Variants in MPHOSPH8 observed in about 807,000 individuals in gnomAD.
MPHOSPH8 encodes M-phase phosphoprotein 8, also known as M-phase phosphoprotein, mpp.
Under a neutral mutation model 87.3 loss-of-function variants are expected in MPHOSPH8, and 45 were observed. That is an observed-to-expected ratio of 0.52 (90% confidence interval 0.41 to 0.66). The LOEUF is 0.66. Ranked by LOEUF, MPHOSPH8 falls within the 30% of genes least tolerant of loss-of-function variation. The probability of loss-of-function intolerance (pLI) is 0.00; values close to 1 mark genes in which losing one functional copy is unlikely to be tolerated. For missense variants in MPHOSPH8, 883 were observed against 1,020.2 expected (o/e 0.87, Z 1.83); for synonymous variants, 366 against 376.9 (o/e 0.97, Z 0.33).
intron 13 of MPHOSPH8, 104 bp downstream of exon 13, chr13:19,671,393 C>G (rs1439454592): frequency 2.0e-6 from 2 of 985,848 alleles, no homozygotes; most frequent in Non-Finnish European, 3.1e-6. Context: ...TGTACCTGTC[C>G]TAGAGACAGG....
intron 8 of MPHOSPH8, among the ~76,000 whole-genome samples, chr13:19,662,113 G>GT (rs1421438846): frequency 6.6e-6 from 1 of 151,842 alleles, no homozygotes; most frequent in Admixed American, 6.6e-5. Flanking sequence ...TAATTTCTTT[G>GT]TATTTTTAGT....
chr13:19,653,582 G>A (rs562257362), intron 5 of MPHOSPH8, among the ~76,000 whole-genome samples: 9 of 152,276 alleles, frequency 5.9e-5, no homozygotes, highest in Non-Finnish European at 1.0e-4. Context: ...GACAGAAGTA[G>A]GCTTCAGAAG....
chr13:19,661,736 C>G lies in MPHOSPH8; in HGVS notation c.1830C>G (p.Ala610=). 6.2e-7 allele frequency: 1 copy of G among 1,611,060 alleles called. No homozygotes were observed. Among genetic ancestry groups the G allele is most frequent in the Non-Finnish European group, 8.5e-7 (1 of 1,178,060 alleles). The part of the protein sequence containing the change: ...SGMTLVMLAA[A]GGQDDLLRLL... Reference sequence around the variant, plus strand: ...TGACACTGGTGATGCTTGCCGCCGCCGGAGGGCAGGACGACCTCCTGCGAC... The same window carrying G: ...TGACACTGGTGATGCTTGCCGCCGCGGGAGGGCAGGACGACCTCCTGCGAC... The change falls in exon 8 of 14, where the codon GCC becomes GCG. Residue 610 remains alanine (A), a synonymous_variant. Coordinates refer to ENST00000361479, the MANE Select transcript of MPHOSPH8 (RefSeq NM_017520.4).
intron 5 of MPHOSPH8, among the ~76,000 whole-genome samples, chr13:19,652,252 T>C (rs1325286798): frequency 1.3e-5 from 2 of 152,082 alleles, no homozygotes; most frequent in African/African-American, 4.8e-5. Flanking sequence ...TTGGGACTGG[T>C]TGGACAGTGG....
chr13:19,652,230 C>T (rs551899895), intron 5 of MPHOSPH8, among the ~76,000 whole-genome samples: 36 of 152,254 alleles, frequency 2.4e-4, no homozygotes, highest in South Asian at 4.1e-4. Flanking sequence ...CTGAGGTACC[C>T]GGTTCATCTC....
intron 10 of MPHOSPH8, among the ~76,000 whole-genome samples, chr13:19,668,121 G>A (rs1875916020): frequency 6.6e-6 from 1 of 152,242 alleles, no homozygotes; most frequent in African/African-American, 2.4e-5. Flanking sequence ...GCCAGGCACT[G>A]TTCTAAAGGC....
In MPHOSPH8 at chr13:19,656,234, G is replaced by A. The variant is rs181539291; in HGVS notation, c.1577-2761G>A. ...GCAGAGATTGTAGTGAGCTAAAATCGTGCCACTGCACTTCAGCCTGGACGA... is the reference window on the plus strand; with the variant it reads ...GCAGAGATTGTAGTGAGCTAAAATCATGCCACTGCACTTCAGCCTGGACGA... On this transcript the variant is annotated intron_variant, in intron 5 of 13. Coordinates refer to ENST00000361479, the MANE Select transcript of MPHOSPH8 (RefSeq NM_017520.4). 3.6e-3 allele frequency among the ~76,000 whole-genome samples: 513 copies of A among 141,354 alleles called. 3 individuals carry two copies. The highest frequency in any genetic ancestry group is 5.0e-3 in the Non-Finnish European group (334 of 66,534). The allele number at this position is 141,354 out of a possible 152,430, so 92.7% of individuals were successfully genotyped here. A position where few individuals can be genotyped will look rare whatever the true frequency, so the allele number is the denominator to read the frequency against.
In MPHOSPH8 at chr13:19,646,464, A is replaced by C; in HGVS notation, c.391A>C (p.Ile131Leu). ...ATAGAGACTATCCTTAAATAACGAC[A>C]TATTTGAGGCGAACTCTGATAGCGA... is the stretch of plus-strand genomic sequence containing the variant. ...DIQRLSLNND[I>L]FEANSDSDQQ... Residue 131 changes from isoleucine (I) to leucine (L), a missense_variant, in exon 3 of 14, where the codon ATA (isoleucine) becomes CTA (leucine). Transcript: ENST00000361479. 6.6e-7 allele frequency: 1 copy of C among 1,515,618 alleles called. No individual in the cohort carries two copies. Among genetic ancestry groups the C allele is most frequent in the Non-Finnish European group, 8.8e-7 (1 of 1,140,528 alleles). The allele number at this position is 1,515,618 out of a possible 1,614,324, so 93.9% of individuals were successfully genotyped here.
chr13:19,659,704 A>C (rs745622424), intron 7 of MPHOSPH8: 2 of 427,530 alleles, frequency 4.7e-6, no homozygotes, highest in East Asian at 7.0e-5. Flanking sequence ...TTGTAAAATA[A>C]AAAAATTGTA....
Position 19,670,245 on chromosome 13 carries a change from T to G in MPHOSPH8, c.2339T>G (p.Ile780Ser). 6.2e-7 allele frequency: 1 copy of G among 1,614,204 alleles called. No individual in the cohort carries two copies. The highest frequency in any genetic ancestry group is 8.5e-7 in the Non-Finnish European group (1 of 1,180,020). ...PPQNIPEGSGILLFIFHANFL... is the reference protein window; with the variant it reads ...PPQNIPEGSGSLLFIFHANFL... Reference sequence around the variant, plus strand: ...CATCTCCCATTTTCAGGCTCTGGCATCCTGCTGTTTATCTTCCATGCAAAC... The same window carrying G: ...CATCTCCCATTTTCAGGCTCTGGCAGCCTGCTGTTTATCTTCCATGCAAAC... The change falls in exon 12 of 14, where the codon ATC becomes AGC. Residue 780 changes from isoleucine (I) to serine (S), a missense_variant. Around this residue, in one of 3 missense-constraint regions of MPHOSPH8, gnomAD observed 741 missense variants for 841.5 expected, o/e 0.88. Transcript: ENST00000361479.
At position 19,633,783 on chromosome 13, in the gene MPHOSPH8, C is replaced by G. The variant is rs146735121; in HGVS notation, c.35C>G (p.Ala12Gly). The change falls in exon 1 of 14, where the codon GCA (alanine) becomes GGA (glycine). Residue 12 changes from alanine to glycine, a missense_variant. Around this residue, in one of 3 missense-constraint regions of MPHOSPH8, gnomAD observed 103 missense variants for 96.3 expected, o/e 1.07. Coordinates refer to ENST00000361479, the MANE Select transcript of MPHOSPH8 (RefSeq NM_017520.4). The part of the protein sequence containing the change: ...EQVAEGARVT[A>G]VPVSAADSTE... Reference sequence around the variant, plus strand: ...GTTGCGGAGGGAGCAAGGGTGACCGCAGTCCCTGTGTCAGCTGCCGACAGC... The same window carrying G: ...GTTGCGGAGGGAGCAAGGGTGACCGGAGTCCCTGTGTCAGCTGCCGACAGC... The G allele has an allele frequency of 1.4e-3, 2,326 of 1,606,056 alleles. 5 individuals carry two copies. Among genetic ancestry groups the G allele is most frequent in the South Asian group, 2.4e-3 (217 of 89,264 alleles).
intron 2 of MPHOSPH8, among the ~76,000 whole-genome samples, chr13:19,645,946 A>G (rs1289510698): frequency 5.9e-5 from 9 of 152,172 alleles, no homozygotes; most frequent in Admixed American, 1.3e-4. Context: ...CAGATAACAC[A>G]TGAACTTGGG....
intron 5 of MPHOSPH8, among the ~76,000 whole-genome samples, chr13:19,651,901 C>T (rs998673458): frequency 3.3e-5 from 5 of 151,938 alleles, no homozygotes; most frequent in Non-Finnish European, 7.4e-5. Context: ...AGTCCGAGAC[C>T]AGCCTGGACA....
rs74038311 is a variant in MPHOSPH8 at position 19,647,374 on chromosome 13, A to G, written c.1218+83A>G. 1,577 of 1,263,122 alleles carry G rather than the reference A, an allele frequency of 1.2e-3. 17 individuals are homozygous for G. The African/African-American group carries it at 0.019, about 15-fold the overall frequency. 78.2% of individuals were successfully genotyped at this position (1,263,122 alleles called of 1,614,324 possible). Reference sequence around the variant, plus strand: ...GCAAGGAAAGGGAAACAGTCAAGCTATAAGAAAGTGTTTATGACCATGGGC... The same window carrying G: ...GCAAGGAAAGGGAAACAGTCAAGCTGTAAGAAAGTGTTTATGACCATGGGC... On this transcript the variant is annotated intron_variant, in intron 3 of 13. Transcript: ENST00000361479.
Position 19,672,004 on chromosome 13 carries a change from G to A in MPHOSPH8, c.*129G>A. 1.2e-6 allele frequency: 1 copy of A among 858,626 alleles called. No homozygotes were observed. The highest frequency in any genetic ancestry group is 1.5e-5 in the South Asian group (1 of 65,634). The allele number at this position is 858,626 out of a possible 1,614,324, so 53.2% of individuals were successfully genotyped here. A position where few individuals can be genotyped will look rare whatever the true frequency, so the allele number is the denominator to read the frequency against. ...TAAACCTCTTGCAGTTAAGCCTGTTGTCTGTTGTAGTCTGTAAGATGCGAC... is the reference window on the plus strand; with the variant it reads ...TAAACCTCTTGCAGTTAAGCCTGTTATCTGTTGTAGTCTGTAAGATGCGAC... On this transcript the variant is annotated 3_prime_UTR_variant, in exon 14 of 14. Transcript: ENST00000361479.
At chr13:19,658,865 C>T (rs1875351175) in intron 5 of MPHOSPH8, 130 bp from the exon 6 acceptor site, 1 of 1,127,372 alleles carries the variant, frequency 8.9e-7, no homozygotes, top group African/African-American at 1.6e-5. Flanking sequence ...TAAAAGACCC[C>T]ATTATACAAT....
Position 19,667,462 on chromosome 13 carries a change from TCA to T in MPHOSPH8, c.2174+886_2174+887del, listed in dbSNP as rs553466002. ...AATACATAATGACATCCATCCCTCA[TCA>T]CAGTGTCATACAGAATAGTTTCACT... On this transcript the variant is annotated intron_variant, in intron 10 of 13. Transcript: ENST00000361479. 6.6e-4 allele frequency among the ~76,000 whole-genome samples: 101 copies of T among 152,284 alleles called. No homozygotes were observed. In the Middle Eastern group the frequency reaches 0.01, roughly 15 times the overall value.
At chr13:19,666,674 C>G in intron 10 of MPHOSPH8, 95 bp downstream of exon 10, 1 of 1,115,812 alleles carries the variant, frequency 9.0e-7, no homozygotes, top group East Asian at 2.5e-5. Context: ...TGTAACTGCT[C>G]AGAAAAACAT....
Position 19,659,079 on chromosome 13 carries a change from G to C in MPHOSPH8, c.1661G>C (p.Gly554Ala). The C allele has an allele frequency of 6.2e-7, 1 of 1,614,138 alleles. No homozygotes were observed. The highest frequency in any genetic ancestry group is 1.7e-5 in the Admixed American group (1 of 60,016). ...KLEDFQKHLDGKDENFAATDA... is the reference protein window; with the variant it reads ...KLEDFQKHLDAKDENFAATDA... ...GAAGATTTCCAAAAGCACCTTGATG[G>C]GAAAGATGAGAATTTTGCTGCAACA... Residue 554 changes from glycine to alanine, a missense_variant, in exon 6 of 14, where the codon GGG becomes GCG. Physicochemically the swap from Gly to Ala is moderately conservative, Grantham distance 60. Around this residue, in one of 3 missense-constraint regions of MPHOSPH8, gnomAD observed 741 missense variants for 841.5 expected, o/e 0.88. Transcript: ENST00000361479.
Sources: allele counts gnomAD v4.1 joint callset (sites outside exome capture counted in the v4.1 genomes callset), GRCh38; gene constraint gnomAD v4.1.1; regional missense constraint gnomAD v4.1.1; transcripts MANE v1.5; gene names NCBI Gene and HGNC (gene_info 2026-07-23, HGNC 2026-07-21).